Variants in CR1 observed in about 807,000 individuals in gnomAD.
CR1 encodes complement C3b/C4b receptor 1 (Knops blood group).
In CR1, 116 loss-of-function variants were observed where a neutral mutation model predicts 187.3. The observed-to-expected ratio is 0.62, with a 90% CI of 0.53 to 0.72. The LOEUF (loss-of-function observed/expected upper bound fraction) is 0.72, where lower values mean the gene tolerates loss of function less well. Among genes scored for constraint, CR1 ranks in the 30% least tolerant of loss-of-function variants. The pLI is 0.00. For synonymous variants in CR1, 576 were observed against 747.1 expected (o/e 0.77, Z 3.73); for missense variants, 1,731 against 2,110.7 (o/e 0.82, Z 3.52).
intron 4 of CR1, among the ~76,000 whole-genome samples, chr1:207,512,635 A>G (rs538283715): frequency 5.3e-5 from 8 of 152,302 alleles, no homozygotes; most frequent in African/African-American, 1.7e-4. Flanking sequence ...TTCAGAATCT[A>G]AGTTTACAAA....
At chr1:207,593,898 T>C (rs566756975) in intron 35 of CR1, among the ~76,000 whole-genome samples, 1 of 152,094 alleles carries the variant, frequency 6.6e-6, no homozygotes, top group Non-Finnish European at 1.5e-5. Flanking sequence ...CAAAACCACA[T>C]TGAGATACCA....
chr1:207,511,123 A>C (rs1229937997), intron 3 of CR1, among the ~76,000 whole-genome samples: 1 of 152,082 alleles, frequency 6.6e-6, no homozygotes, highest in Non-Finnish European at 1.5e-5. Flanking sequence ...TGAAGGGCCT[A>C]ATTTGGCCTT....
chr1:207,524,155 G>A, intron 5 of CR1, 146 bp downstream of exon 5: 1 of 1,540,818 alleles, frequency 6.5e-7, no homozygotes, highest in African/African-American at 1.4e-5. Flanking sequence ...AAATTCAGAA[G>A]GTGTGTGTAC....
chr1:207,567,123 G>C (rs578143189), intron 24 of CR1, among the ~76,000 whole-genome samples: 1 of 150,482 alleles, frequency 6.6e-6, no homozygotes, highest in Non-Finnish European at 1.5e-5. Context: ...AATTAGAAAT[G>C]AGGAAGAGAC....
chr1:207,523,573 AAACT>A, intron 4 of CR1, 34 bp from the exon 5 acceptor site: 2 of 1,612,366 alleles, frequency 1.2e-6, no homozygotes, highest in Non-Finnish European at 1.7e-6. Context: ...TTCATTATTT[AAACT>A]GACTGTTATT....
intron 4 of CR1, among the ~76,000 whole-genome samples, chr1:207,514,848 T>A (rs1456004525): frequency 6.6e-6 from 1 of 151,832 alleles, no homozygotes; most frequent in African/African-American, 2.4e-5. Flanking sequence ...AGGGTTTATA[T>A]AAGATTGGCA....
At position 207,630,258 on chromosome 1, in the gene CR1, A is replaced by G. The variant is rs143121529; in HGVS notation, c.7353-259A>G. ...CAGAAATAGTGAAATGTGTTAAGGC[A>G]TGGACATCTGCCTATAAACAATTTA... On this transcript the variant is annotated intron_variant, in intron 45 of 46. Transcript: ENST00000367049. Among the ~76,000 whole-genome samples the G allele has an allele frequency of 7.9e-3, 1,201 of 152,328 alleles. 21 individuals carry two copies. Among genetic ancestry groups the G allele is most frequent in the African/African-American group, 0.027 (1,136 of 41,572 alleles).
chr1:207,598,316 CAGAT>C (rs1443132276), intron 35 of CR1, among the ~76,000 whole-genome samples: 1 of 151,720 alleles, frequency 6.6e-6, no homozygotes, highest in African/African-American at 2.4e-5. Context: ...AAGAAAAAAA[CAGAT>C]AACAGTATAA....
chr1:207,599,896 G>A (rs961056291), intron 35 of CR1, among the ~76,000 whole-genome samples: 2 of 152,166 alleles, frequency 1.3e-5, no homozygotes, highest in Non-Finnish European at 1.5e-5. Flanking sequence ...ATACAATTAC[G>A]TTGTTAAATT....
chr1:207,519,187 C>A (rs1487960605), intron 4 of CR1, among the ~76,000 whole-genome samples: 2 of 151,598 alleles, frequency 1.3e-5, no homozygotes, highest in South Asian at 2.1e-4. Context: ...TACTTTCAGC[C>A]CTTCTTTGTC....
At position 207,567,895 on chromosome 1, in the gene CR1, T is replaced by A. The variant is rs781087630; in HGVS notation, c.4024T>A (p.Phe1342Ile). The A allele has an allele frequency of 1.1e-5, 17 of 1,610,812 alleles. No homozygotes were observed. Among genetic ancestry groups the A allele is most frequent in the Non-Finnish European group, 1.4e-5 (16 of 1,179,642 alleles). Residue 1342 changes from phenylalanine to isoleucine, a missense_variant, in exon 25 of 47, where the codon TTT becomes ATT. Physicochemically the swap from Phe to Ile is conservative, Grantham distance 21. Transcript: ENST00000367049. ...HTGKPLEVFP[F>I]GKAVNYTCDP... Reference sequence around the variant, plus strand: ...AGGAAAACCTCTGGAAGTCTTTCCCTTTGGAAAAGCAGTAAATTACACATG... The same window carrying A: ...AGGAAAACCTCTGGAAGTCTTTCCCATTGGAAAAGCAGTAAATTACACATG...
intron 39 of CR1, among the ~76,000 whole-genome samples, chr1:207,612,880 A>G (rs1221517542): frequency 6.6e-6 from 1 of 152,242 alleles, no homozygotes; most frequent in African/African-American, 2.4e-5. Context: ...CCCAAAGCCC[A>G]GAGGAGGTGT....
Position 207,581,996 on chromosome 1 carries a change from G to A in CR1, c.5295G>A (p.Val1765=), listed in dbSNP as rs781285720. 13 of 1,609,540 alleles carry A rather than the reference G, an allele frequency of 8.1e-6. No individual in the cohort carries two copies. In the Admixed American group the frequency reaches 1.0e-4, roughly 12 times the overall value. Residue 1765 remains valine (V), a synonymous_variant, in exon 32 of 47, where the codon GTG becomes GTA. Transcript: ENST00000367049. The part of the protein sequence containing the change: ...MRSLWNNSVP[V]CEHIFCPNPP... ...GCCTTTGGAATAACAGTGTTCCTGT[G>A]TGTGAACGTGAGTAGATGGAATACT...
chr1:207,505,884 T>G lies in CR1; in HGVS notation c.122-20T>G, dbSNP rs4844599. 315,847 of 1,599,044 alleles carry G rather than the reference T, an allele frequency of 0.2. 35,130 individuals carry two copies. Among genetic ancestry groups the G allele is most frequent in the South Asian group, 0.42 (37,326 of 88,534 alleles). On this transcript the variant is annotated intron_variant, in intron 1 of 46. Transcript: ENST00000367049. ...TAATTTCTCCATTAACTTTGATGCT[T>G]CTATGGTCTTGATCTCCAGGTCAAT...
chr1:207,635,848 T>A (rs1558285462), intron 46 of CR1, among the ~76,000 whole-genome samples: 1 of 152,192 alleles, frequency 6.6e-6, no homozygotes, highest in East Asian at 1.9e-4. Context: ...ACAAGCATGC[T>A]GCCTTCAAGC....
intron 37 of CR1, among the ~76,000 whole-genome samples, chr1:207,610,623 T>A (rs1179832303): frequency 6.6e-6 from 1 of 152,200 alleles, no homozygotes; most frequent in Non-Finnish European, 1.5e-5. Flanking sequence ...TGAGCCACCA[T>A]GCCTAGTTTC....
At chr1:207,523,517 G>A (rs1446276080) in intron 4 of CR1, 94 bp from the exon 5 acceptor site, 4 of 1,557,374 alleles carry the variant, frequency 2.6e-6, no homozygotes, top group Non-Finnish European at 3.5e-6. Context: ...AGCAAATAAT[G>A]AATGTAAAAA....
intron 24 of CR1, among the ~76,000 whole-genome samples, chr1:207,566,997 T>A (rs1220647317): frequency 6.7e-6 from 1 of 150,342 alleles, no homozygotes; most frequent in East Asian, 1.9e-4. Flanking sequence ...CAAGTGTCTG[T>A]TCTACTATCA....
intron 46 of CR1, among the ~76,000 whole-genome samples, chr1:207,631,088 T>C (rs1662632009): frequency 6.6e-6 from 1 of 152,170 alleles, no homozygotes; most frequent in South Asian, 2.1e-4. Context: ...CTTTGACTGC[T>C]CCTTCTTTTG....
Sources: allele counts gnomAD v4.1 joint callset (sites outside exome capture counted in the v4.1 genomes callset), GRCh38; gene constraint gnomAD v4.1.1; transcripts MANE v1.5; gene names NCBI Gene and HGNC (gene_info 2026-07-23, HGNC 2026-07-21).